Variants in CCDC141 observed in about 807,000 individuals in gnomAD.
CCDC141 encodes the protein coiled-coil domain-containing protein 141.
A neutral mutation model predicts 181.0 loss-of-function variants in CCDC141; 168 were observed. The ratio of observed to expected loss-of-function variants is 0.93; its 90% CI spans 0.82 to 1.05. The LOEUF (loss-of-function observed/expected upper bound fraction) is 1.05. CCDC141 is among the 50% of genes least tolerant of loss of function. The pLI is 0.00. For missense variants in CCDC141, 1,902 were observed against 1,788.5 expected (o/e 1.06, Z -1.14); for synonymous variants, 666 against 642.3 (o/e 1.04, Z -0.56).
intron 23 of CCDC141, chr2:178,835,855 A>C (rs1684455478): frequency 6.6e-6 from 1 of 152,644 alleles, no homozygotes. Flanking sequence ...AACAGTAAAG[A>C]CAATAAAACA....
At chr2:178,902,583 T>C (rs565760195) in intron 8 of CCDC141, among the ~76,000 whole-genome samples, 1 of 152,262 alleles carries the variant, frequency 6.6e-6, no homozygotes, top group African/African-American at 2.4e-5. Flanking sequence ...ATCCCCTCCT[T>C]ACACCTTATG....
chr2:179,049,419 G>A (rs1466298000), intron 1 of CCDC141, among the ~76,000 whole-genome samples: 3 of 151,998 alleles, frequency 2.0e-5, no homozygotes, highest in Non-Finnish European at 2.9e-5. Context: ...GTCGGGACCT[G>A]CCTCCTCCCA....
At chr2:178,983,405 C>G (rs1364581035) in intron 2 of CCDC141, among the ~76,000 whole-genome samples, 1 of 152,214 alleles carries the variant, frequency 6.6e-6, no homozygotes, top group South Asian at 2.1e-4. Flanking sequence ...AAAATCAGAG[C>G]ACCTCTCCTC....
intron 6 of CCDC141, among the ~76,000 whole-genome samples, chr2:178,942,136 G>A (rs796582060): frequency 6.6e-6 from 1 of 152,098 alleles, no homozygotes; most frequent in Non-Finnish European, 1.5e-5. Context: ...AAGATGCAGA[G>A]TAGTTCAGGA....
intron 5 of CCDC141, among the ~76,000 whole-genome samples, chr2:178,951,172 G>T (rs1013447059): frequency 1.3e-5 from 2 of 152,242 alleles, no homozygotes; most frequent in Non-Finnish European, 2.9e-5. Flanking sequence ...GCCCCATCCA[G>T]TGTCTTGGCA....
chr2:178,886,363 C>T (rs1575170535), intron 10 of CCDC141, among the ~76,000 whole-genome samples: 2 of 152,260 alleles, frequency 1.3e-5, no homozygotes, highest in South Asian at 4.1e-4. Flanking sequence ...TGGAATCTTG[C>T]AATAACGCAC....
Position 178,944,566 on chromosome 2 carries a change from T to A in CCDC141, c.866A>T (p.His289Leu). 6.5e-7 allele frequency: 1 copy of A among 1,535,404 alleles called. No individual in the cohort carries two copies. Among genetic ancestry groups the A allele is most frequent in the East Asian group, 2.5e-5 (1 of 40,570 alleles). Residue 289 changes from histidine to leucine, a missense_variant, in exon 6 of 24, where the codon CAT (histidine) becomes CTT (leucine). Transcript: ENST00000443758. ...TTTTATTATCAGTTCCTCTTGCTTA[T>A]GAATTCGATCCTCATTGTCTGAAAG... ...SSLSDNEDRI[H>L]KQEELIIKAK...
At chr2:178,900,211 GC>G (rs578007739) in intron 8 of CCDC141, among the ~76,000 whole-genome samples, 1 of 152,070 alleles carries the variant, frequency 6.6e-6, no homozygotes, top group Non-Finnish European at 1.5e-5. Context: ...ATTAATTCAA[GC>G]TTTTGAAATG....
chr2:178,852,779 T>G (rs988145709), intron 20 of CCDC141, among the ~76,000 whole-genome samples: 3 of 152,194 alleles, frequency 2.0e-5, no homozygotes, highest in Admixed American at 1.3e-4. Flanking sequence ...AACTTATTCC[T>G]CAGAACCCTC....
intron 7 of CCDC141, among the ~76,000 whole-genome samples, chr2:178,917,752 C>A (rs1449146862): frequency 6.6e-6 from 1 of 152,186 alleles, no homozygotes; most frequent in Non-Finnish European, 1.5e-5. Flanking sequence ...TTAGCAGGAA[C>A]CACCTGCTGC....
intron 8 of CCDC141, among the ~76,000 whole-genome samples, chr2:178,891,474 C>CTTTGCCTTGAGTTGAGTGT (rs1687145054): frequency 6.6e-6 from 1 of 152,074 alleles, no homozygotes; most frequent in South Asian, 2.1e-4. Flanking sequence ...GTATTTTCTC[C>CTTTGCCTTGAGTTGAGTGT]TCTAAAATTT....
chr2:178,976,504 A>C (rs1355401610), intron 3 of CCDC141, among the ~76,000 whole-genome samples: 1 of 152,222 alleles, frequency 6.6e-6, no homozygotes, highest in Admixed American at 6.5e-5. Context: ...AATGCAAGGA[A>C]GGCCTCTGTC....
At chr2:178,842,652 T>C (rs191201459) in intron 22 of CCDC141, among the ~76,000 whole-genome samples, 42 of 152,354 alleles carry the variant, frequency 2.8e-4, no homozygotes, top group Admixed American at 2.2e-3. Context: ...TACAAGATTT[T>C]ATCTTCCAAA....
At chr2:178,874,405 C>T (rs1686264287) in intron 12 of CCDC141, 1 of 152,250 alleles carries the variant, frequency 6.6e-6, no homozygotes, top group African/African-American at 2.4e-5. Context: ...TCTGGGAGAT[C>T]TAAGTGGGCA....
chr2:179,009,196 C>T (rs2154384203), intron 2 of CCDC141, among the ~76,000 whole-genome samples: 1 of 152,312 alleles, frequency 6.6e-6, no homozygotes, highest in Non-Finnish European at 1.5e-5. Context: ...CCCCTATACC[C>T]TCCTTTTCCT....
At chr2:178,886,359 C>G (rs939562153) in intron 10 of CCDC141, among the ~76,000 whole-genome samples, 3 of 152,164 alleles carry the variant, frequency 2.0e-5, no homozygotes, top group African/African-American at 7.2e-5. Context: ...TCCTTGGAAT[C>G]TTGCAATAAC....
intron 22 of CCDC141, among the ~76,000 whole-genome samples, chr2:178,841,609 C>T (rs941010507): frequency 6.6e-6 from 1 of 152,050 alleles, no homozygotes; most frequent in African/African-American, 2.4e-5. Context: ...GTTTTTAAGT[C>T]ATTATGGAAT....
intron 2 of CCDC141, among the ~76,000 whole-genome samples, chr2:179,007,048 G>T (rs2042140266): frequency 6.6e-6 from 1 of 152,130 alleles, no homozygotes; most frequent in Non-Finnish European, 1.5e-5. Context: ...TTGTCAATGA[G>T]TTGATGGGCC....
At chr2:178,936,367 A>G (rs1689290393) in intron 6 of CCDC141, among the ~76,000 whole-genome samples, 1 of 151,858 alleles carries the variant, frequency 6.6e-6, no homozygotes. Flanking sequence ...TTACCCTATC[A>G]CTTGTTTTTG....
Sources: gnomAD v4.1 joint callset for allele counts (sites outside exome capture counted in the v4.1 genomes callset) on GRCh38, gnomAD v4.1.1 for gene constraint, MANE v1.5 for transcripts, NCBI Gene and HGNC (gene_info 2026-07-23, HGNC 2026-07-21) for gene names.